The following RIOK3 variants were observed in gnomAD, a reference collection of about 807,000 sequenced individuals.
RIOK3 encodes the protein RIO kinase 3.
Under a neutral mutation model 63.5 loss-of-function variants are expected in RIOK3, and 40 were observed. That is an observed-to-expected ratio of 0.63 (90% CI 0.49 to 0.82). RIOK3 has a LOEUF of 0.82. Among genes scored for constraint, RIOK3 ranks in the 40% least tolerant of loss-of-function variants. The pLI is 0.00. For missense variants in RIOK3, 557 were observed against 637.0 expected, an observed-to-expected ratio of 0.87 and a Z score of 1.35; for synonymous variants, 193 against 205.0, an observed-to-expected ratio of 0.94 and a Z score of 0.50.
chr18:23,467,446 C>T lies in RIOK3; in HGVS notation c.735C>T (p.Val245=). ...PKTRLLMYKM[V]NSGMLETITG... ...CACGTTTACTTATGTATAAAATGGT[C>T]AACTCTGGAATGTTGGAGACAATCA... Residue 245 remains valine, a synonymous_variant, in exon 7 of 13, where the codon GTC becomes GTT. Coordinates refer to ENST00000339486, the MANE Select transcript of RIOK3 (RefSeq NM_003831.5). The T allele has an allele frequency of 6.2e-7, 1 of 1,612,858 alleles. No homozygotes were observed.
At position 23,466,289 on chromosome 18, in the gene RIOK3, A is replaced by C. The variant is rs1568382903; in HGVS notation, c.687+13A>C. On this transcript the variant is annotated intron_variant, in intron 6 of 12. Coordinates refer to ENST00000339486, the MANE Select transcript of RIOK3 (RefSeq NM_003831.5). ...GCATTCTACAGCAGTAAGGATTTAT[A>C]GATTTTTTTTTTTCTTTTTTACTAG... 1.3e-6 allele frequency: 2 copies of C among 1,537,160 alleles called. No individual in the cohort carries two copies. Among genetic ancestry groups the C allele is most frequent in the Non-Finnish European group, 1.7e-6 (2 of 1,152,984 alleles).
At position 23,474,999 on chromosome 18, in the gene RIOK3, C is replaced by T. The variant is rs2057479758; in HGVS notation, c.1065C>T (p.His355=). The change falls in exon 9 of 13, where the codon CAC becomes CAT. Residue 355 remains histidine, a synonymous_variant. Coordinates refer to ENST00000339486, the MANE Select transcript of RIOK3 (RefSeq NM_003831.5). ...CAACAGTTGTACTACTGAAGAAACA[C>T]ATTTTAGTTATGTCTTTTATTGGCC... The part of the protein sequence containing the change: ...PCPTVVLLKK[H]ILVMSFIGHD... 6.2e-7 allele frequency: 1 copy of T among 1,611,706 alleles called. No individual in the cohort carries two copies. The highest frequency in any genetic ancestry group is 8.5e-7 in the Non-Finnish European group (1 of 1,177,894).
At chr18:23,478,460 C>G (rs2057508324) in intron 11 of RIOK3, among the ~76,000 whole-genome samples, 1 of 151,810 alleles carries the variant, frequency 6.6e-6, no homozygotes, top group Non-Finnish European at 1.5e-5. Flanking sequence ...GTCCTAGCTG[C>G]TTTAACTGGG....
chr18:23,471,942 G>A (rs1179872724), intron 7 of RIOK3, among the ~76,000 whole-genome samples: 4 of 152,080 alleles, frequency 2.6e-5, no homozygotes, highest in Non-Finnish European at 4.4e-5. Context: ...TAGAAATGTG[G>A]GAGTTATCGG....
Position 23,453,368 on chromosome 18 carries a change from G to A in RIOK3, c.-72G>A. ...GCAGCCAGTCGCCCGTGTCCCGCCT[G>A]TCTCCTCGGCGGAGCCTGCTGCCCG... On this transcript the variant is annotated 5_prime_UTR_variant, in exon 1 of 13. Transcript: ENST00000339486. 2 of 1,275,382 alleles carry A rather than the reference G, an allele frequency of 1.6e-6. No homozygotes were observed. The highest frequency in any genetic ancestry group is 2.3e-6 in the Non-Finnish European group (2 of 875,604). 79.0% of individuals were successfully genotyped at this position (1,275,382 alleles called of 1,614,324 possible).
chr18:23,464,112 G>A lies in RIOK3; in HGVS notation c.325G>A (p.Val109Ile), dbSNP rs202142594. 3.6e-5 allele frequency: 58 copies of A among 1,610,174 alleles called. No individual in the cohort carries two copies. The highest frequency in any genetic ancestry group is 5.1e-5 in the Admixed American group (3 of 59,208). The change falls in exon 3 of 13, where the codon GTT becomes ATT. Residue 109 changes from valine (V) to isoleucine (I), a missense_variant and splice_region_variant. By Grantham distance (29) the Val-to-Ile change is conservative. Coordinates refer to ENST00000339486, the MANE Select transcript of RIOK3 (RefSeq NM_003831.5). ...EEKKFNGDSK[V>I]SISFENYRKV... ...AAAAAAATTCAATGGAGATAGCAAA[G>A]GTATTATAACCTTATTGTGACAACT...
At chr18:23,463,409 C>CT (rs5823391) in intron 2 of RIOK3, 95,036 of 134,900 alleles carry the variant, frequency 0.7, 35,800 homozygotes, top group Non-Finnish European at 0.85. Flanking sequence ...TCCAGACTTT[C>CT]TTTTTTTTTT....
chr18:23,481,287 A>G lies in RIOK3; in HGVS notation c.*8A>G. On this transcript the variant is annotated 3_prime_UTR_variant, in exon 13 of 13. Coordinates refer to ENST00000339486, the MANE Select transcript of RIOK3 (RefSeq NM_003831.5). ...CTACTATATGATGAATAGCACTAAT[A>G]CCCACTGCTTCAGTGTTAACACAGC... is the stretch of plus-strand genomic sequence containing the variant. 3 of 1,503,056 alleles carry G rather than the reference A, an allele frequency of 2.0e-6. No homozygotes were observed. Among genetic ancestry groups the G allele is most frequent in the Non-Finnish European group, 2.7e-6 (3 of 1,093,592 alleles). The allele number at this position is 1,503,056 out of a possible 1,614,324, so 93.1% of individuals were successfully genotyped here. A position where few individuals can be genotyped will look rare whatever the true frequency, so the allele number is the denominator to read the frequency against.
chr18:23,469,367 C>G (rs1473687975), intron 7 of RIOK3, among the ~76,000 whole-genome samples: 638 of 2,232 alleles, frequency 0.29, 43 homozygotes, highest in Non-Finnish European at 0.33. Flanking sequence ...CCCTCCCTCC[C>G]TCCCTCCCTC....
At chr18:23,460,879 C>G (rs1299895080) in intron 1 of RIOK3, among the ~76,000 whole-genome samples, 1 of 152,226 alleles carries the variant, frequency 6.6e-6, no homozygotes, top group African/African-American at 2.4e-5. Flanking sequence ...CAGATAAGCT[C>G]TGAGTGAATG....
At chr18:23,463,877 A>T in intron 2 of RIOK3, 90 bp from the exon 3 acceptor site, 2 of 1,089,534 alleles carry the variant, frequency 1.8e-6, no homozygotes, top group Non-Finnish European at 2.7e-6. Flanking sequence ...TTCAATTTTA[A>T]CATGGAAAAG....
In RIOK3 at chr18:23,462,870, TAGTTTAATTC is replaced by T; in HGVS notation, c.64-93_64-84del. 3 of 555,380 alleles carry T rather than the reference TAGTTTAATTC, an allele frequency of 5.4e-6. No homozygotes were observed. In the South Asian group the frequency reaches 1.2e-4, roughly 21 times the overall value. 34.4% of individuals were successfully genotyped at this position (555,380 alleles called of 1,614,324 possible). ...TATTCATTTCTGGTTTTTAACTACA[TAGTTTAATTC>T]TCAAAATATAACATTATTTGTAAAA... On this transcript the variant is annotated intron_variant, in intron 1 of 12. Transcript: ENST00000339486.
In RIOK3 at chr18:23,454,750, T is replaced by A. The variant is rs1014886941; in HGVS notation, c.63+1248T>A. On this transcript the variant is annotated intron_variant, in intron 1 of 12. Coordinates refer to ENST00000339486, the MANE Select transcript of RIOK3 (RefSeq NM_003831.5). ...TTATTTAAGTGTACATCATCAGAAC[T>A]ATAAAATTCCATTTTCATTGTGCAA... Among the ~76,000 whole-genome samples, 15 of 152,252 alleles carry A rather than the reference T, an allele frequency of 9.9e-5. 1 individual carries two copies. Among genetic ancestry groups the A allele is most frequent in the African/African-American group, 2.4e-5 (1 of 41,474 alleles).
chr18:23,464,820 C>T (rs2057395609), intron 5 of RIOK3, among the ~76,000 whole-genome samples, 192 bp downstream of exon 5: 1 of 151,998 alleles, frequency 6.6e-6, no homozygotes, highest in South Asian at 2.1e-4. Context: ...GAATAAAATT[C>T]CATAACAGTG....
intron 1 of RIOK3, among the ~76,000 whole-genome samples, chr18:23,460,994 A>G (rs138213786): frequency 6.6e-6 from 1 of 152,356 alleles, no homozygotes; most frequent in African/African-American, 2.4e-5. Flanking sequence ...TGTGCTAGGT[A>G]CCAGGTGTAT....
At chr18:23,455,335 A>G (rs1187064851) in intron 1 of RIOK3, among the ~76,000 whole-genome samples, 2 of 145,154 alleles carry the variant, frequency 1.4e-5, no homozygotes, top group African/African-American at 5.1e-5. Context: ...GGCCTCCCAC[A>G]CTGCTGGGAT....
chr18:23,473,689 A>G, intron 8 of RIOK3, 63 bp downstream of exon 8: 1 of 1,213,542 alleles, frequency 8.2e-7, no homozygotes, highest in Non-Finnish European at 1.2e-6. Context: ...AGGATAAAAA[A>G]ATCCATGCTT....
At chr18:23,471,089 C>G (rs2057453341) in intron 7 of RIOK3, among the ~76,000 whole-genome samples, 2 of 152,224 alleles carry the variant, frequency 1.3e-5, no homozygotes, top group African/African-American at 4.8e-5. Flanking sequence ...AGGAAGGTCT[C>G]TGGTCTAATG....
At chr18:23,470,301 C>A (rs1286724592) in intron 7 of RIOK3, among the ~76,000 whole-genome samples, 1 of 102,978 alleles carries the variant, frequency 9.7e-6, no homozygotes, top group African/African-American at 5.2e-5. Context: ...GGGAGCGGAG[C>A]TTGCAGTGAG....
Sources: allele counts gnomAD v4.1 joint callset (sites outside exome capture counted in the v4.1 genomes callset), GRCh38; gene constraint gnomAD v4.1.1; transcripts MANE v1.5; gene names NCBI Gene and HGNC (gene_info 2026-07-23, HGNC 2026-07-21).